CDC42: variants seen among roughly 807,000 people sequenced by gnomAD.
CDC42 encodes the protein cell division control protein 42 homolog.
A neutral mutation model predicts 20.8 loss-of-function variants in CDC42; 1 was observed. The ratio of observed to expected loss-of-function variants is 0.05; its 90% CI spans 0.02 to 0.23. CDC42 has a LOEUF of 0.23. Ranked by LOEUF, CDC42 falls within the 10% of genes least tolerant of loss-of-function variation. The probability of loss-of-function intolerance (pLI) is 1.00; values close to 1 mark genes in which losing one functional copy is unlikely to be tolerated. For synonymous variants in CDC42, 72 were observed against 84.8 expected (o/e 0.85, Z 0.83); for missense variants, 49 against 227.9 (o/e 0.21, Z 5.05).
At chr1:22,058,577 G>T (rs1645328870) in intron 1 of CDC42, among the ~76,000 whole-genome samples, 1 of 151,778 alleles carries the variant, frequency 6.6e-6, no homozygotes, top group South Asian at 2.1e-4. Context: ...CCACCTCCCG[G>T]GTTCAAGTGA....
intron 1 of CDC42, among the ~76,000 whole-genome samples, chr1:22,055,523 T>G (rs1280440215): frequency 4.0e-5 from 6 of 149,604 alleles, no homozygotes; most frequent in African/African-American, 1.5e-4. Flanking sequence ...AGGGTCTTAC[T>G]CTGTCGCCCA....
chr1:22,087,569 G>A (rs1395322386), intron 5 of CDC42, among the ~76,000 whole-genome samples: 1 of 152,098 alleles, frequency 6.6e-6, no homozygotes, highest in East Asian at 1.9e-4. Flanking sequence ...TCATGATATC[G>A]CTGATTCCGT....
intron 1 of CDC42, among the ~76,000 whole-genome samples, chr1:22,074,830 G>A (rs1342336082): frequency 1.3e-5 from 2 of 152,200 alleles, no homozygotes; most frequent in Non-Finnish European, 2.9e-5. Context: ...AGCAGAAGAG[G>A]TTGGCTTAAT....
intron 1 of CDC42, among the ~76,000 whole-genome samples, chr1:22,060,330 C>T (rs569106041): frequency 8.6e-5 from 13 of 151,100 alleles, no homozygotes; most frequent in South Asian, 2.1e-4. Context: ...GCTGAGACTC[C>T]GTCTCAAAAA....
chr1:22,078,172 C>G (rs369863722), intron 1 of CDC42, among the ~76,000 whole-genome samples: 1 of 152,138 alleles, frequency 6.6e-6, no homozygotes, highest in Admixed American at 6.5e-5. Context: ...AAAATAAATT[C>G]GCTGATTATC....
intron 1 of CDC42, among the ~76,000 whole-genome samples, chr1:22,067,018 G>A (rs1278092775): frequency 6.6e-6 from 1 of 152,136 alleles, no homozygotes; most frequent in East Asian, 1.9e-4. Flanking sequence ...AGCAGAGATT[G>A]GGCCAAAAAA....
chr1:22,057,350 CCTT>C (rs1368471355), intron 1 of CDC42, among the ~76,000 whole-genome samples: 1 of 152,206 alleles, frequency 6.6e-6, no homozygotes, highest in Non-Finnish European at 1.5e-5. Flanking sequence ...TAATAACCAT[CCTT>C]CTCCCGGACT....
chr1:22,081,885 G>A (rs1378301107), intron 3 of CDC42, 91 bp downstream of exon 3: 1 of 793,288 alleles, frequency 1.3e-6, no homozygotes, highest in Non-Finnish European at 2.1e-6. Context: ...TAGCACATGA[G>A]CAAAGTACTT....
At chr1:22,084,974 G>A (rs1297326215) in intron 3 of CDC42, among the ~76,000 whole-genome samples, 1 of 152,132 alleles carries the variant, frequency 6.6e-6, no homozygotes. Flanking sequence ...GCTCACACCT[G>A]TAATCTTAGC....
intron 3 of CDC42, among the ~76,000 whole-genome samples, chr1:22,085,593 T>C (rs1230190519): frequency 6.6e-6 from 1 of 152,234 alleles, no homozygotes; most frequent in Admixed American, 6.5e-5. Context: ...TTAATTTCTT[T>C]CAGCAGTTTT....
intron 5 of CDC42, among the ~76,000 whole-genome samples, chr1:22,088,268 C>T (rs1013520193): frequency 1.3e-5 from 2 of 152,226 alleles, no homozygotes; most frequent in African/African-American, 4.8e-5. Context: ...GCTTCTGATG[C>T]ATACCTCTGT....
chr1:22,075,672 G>A (rs1469886971), intron 1 of CDC42, among the ~76,000 whole-genome samples: 3 of 152,182 alleles, frequency 2.0e-5, no homozygotes, highest in Non-Finnish European at 4.4e-5. Flanking sequence ...AAGCACTGTT[G>A]CAAGTTCTTT....
chr1:22,065,387 G>A lies in CDC42; in HGVS notation c.-51+12645G>A, dbSNP rs538982986. On this transcript the variant is annotated intron_variant, in intron 1 of 5. Coordinates refer to ENST00000656825, the MANE Select transcript of CDC42 (RefSeq NM_001791.4). ...TTGCTCTTTGAGATTGGAATGAAGGGATTTCTGAAAGGATTGATAAAATTA... is the reference window on the plus strand; with the variant it reads ...TTGCTCTTTGAGATTGGAATGAAGGAATTTCTGAAAGGATTGATAAAATTA... Among the ~76,000 whole-genome samples, 7 of 152,260 alleles carry A rather than the reference G, an allele frequency of 4.6e-5. No individual in the cohort carries two copies. The South Asian group carries it at 1.2e-3, about 27-fold the overall frequency.
rs1297477791 is a variant in CDC42, at chr1:22,096,290, T to A, written c.*4773T>A. Among the ~76,000 whole-genome samples, 1 of 62,588 alleles carries A rather than the reference T, an allele frequency of 1.6e-5. No individual in the cohort carries two copies. Among genetic ancestry groups the A allele is most frequent in the East Asian group, 6.0e-4 (1 of 1,678 alleles). The allele number at this position is 62,588 out of a possible 152,430, so 41.1% of individuals were successfully genotyped here. A position where few individuals can be genotyped will look rare whatever the true frequency, so the allele number is the denominator to read the frequency against. Reference sequence around the variant, plus strand: ...TTCATTCTTACAGTGAATTAGTAAATTCAACAAATAGGTTTTTTTAAAGCA... The same window carrying A: ...TTCATTCTTACAGTGAATTAGTAAAATCAACAAATAGGTTTTTTTAAAGCA... On this transcript the variant is annotated 3_prime_UTR_variant, in exon 6 of 6. Coordinates refer to ENST00000656825, the MANE Select transcript of CDC42 (RefSeq NM_001791.4).
intron 1 of CDC42, among the ~76,000 whole-genome samples, chr1:22,072,415 C>G (rs1645502632): frequency 6.6e-6 from 1 of 152,006 alleles, no homozygotes; most frequent in African/African-American, 2.4e-5. Context: ...TACCTTTATG[C>G]CTTTGTCATA....
chr1:22,056,491 T>C (rs1257371815), intron 1 of CDC42, among the ~76,000 whole-genome samples: 3 of 152,262 alleles, frequency 2.0e-5, no homozygotes, highest in African/African-American at 7.2e-5. Flanking sequence ...AAATAACTTT[T>C]ACCGCTTGTT....
chr1:22,068,945 G>C (rs1048884789), intron 1 of CDC42: 1 of 152,138 alleles, frequency 6.6e-6, no homozygotes, highest in African/African-American at 2.4e-5. Flanking sequence ...AGAATATGTA[G>C]GGGGTGATGC....
rs1369365566 is a variant in CDC42, at chr1:22,100,684, C to T, written c.*9167C>T. ...CTCACATCAAATCAGGACCAGAAAA[C>T]CCTGTTGACTTCTGGGTCTTAAACT... On this transcript the variant is annotated 3_prime_UTR_variant, in exon 6 of 6. Transcript: ENST00000656825. The T allele has an allele frequency of 2.0e-5, 3 of 152,224 alleles. No homozygotes were observed. The highest frequency in any genetic ancestry group is 2.0e-4 in the Admixed American group (3 of 15,286). 9.4% of individuals were successfully genotyped at this position (152,224 alleles called of 1,614,324 possible).
At chr1:22,086,912 T>C in intron 5 of CDC42, 46 bp downstream of exon 5, 2 of 1,475,180 alleles carry the variant, frequency 1.4e-6, no homozygotes, top group Non-Finnish European at 1.9e-6. Context: ...TCGAGTCATT[T>C]ATTAGAGCAT....
Sources: allele counts gnomAD v4.1 joint callset (sites outside exome capture counted in the v4.1 genomes callset), GRCh38; gene constraint gnomAD v4.1.1; transcripts MANE v1.5; gene names NCBI Gene and HGNC (gene_info 2026-07-23, HGNC 2026-07-21).